Variants in HIVEP1 observed in about 807,000 individuals in gnomAD.
HIVEP1 encodes HIVEP zinc finger 1, also known as zinc finger protein 40.
HIVEP1 carries 36 observed loss-of-function variants against 180.0 expected under a neutral mutation model. The ratio of observed to expected loss-of-function variants is 0.20; its 90% CI spans 0.15 to 0.26. The LOEUF (loss-of-function observed/expected upper bound fraction) is 0.26. HIVEP1 is among the 10% of genes least tolerant of loss of function. The pLI is 1.00. For missense variants in HIVEP1, 3,143 were observed against 3,268.7 expected (o/e 0.96, Z 0.94); for synonymous variants, 1,239 against 1,239.0 (o/e 1.00, Z 0.00).
upstream of HIVEP1, among the ~76,000 whole-genome samples, chr6:12,011,014 A>G (rs1767248675): frequency 6.6e-6 from 1 of 152,032 alleles, no homozygotes; most frequent in Admixed American, 6.6e-5. Context: ...TTGCGCTCGC[A>G]GCTTCGGCAC....
At chr6:12,192,791 A>G in the HIVEP1 span, among the ~76,000 whole-genome samples, 1 of 152,068 alleles carries the variant, frequency 6.6e-6, no homozygotes, top group Non-Finnish European at 1.5e-5. Context: ...GTAGTTCTTT[A>G]TAGCAATGTG....
intron 2 of HIVEP1, among the ~76,000 whole-genome samples, chr6:12,061,430 CTG>C (rs1355085549): frequency 6.6e-6 from 1 of 152,184 alleles, no homozygotes; most frequent in African/African-American, 2.4e-5. Context: ...CCAGAAATGA[CTG>C]TGTTACTAAC....
intron 3 of HIVEP1, among the ~76,000 whole-genome samples, chr6:12,097,709 T>A (rs1455823750): frequency 1.3e-5 from 2 of 152,124 alleles, no homozygotes; most frequent in Admixed American, 6.5e-5. Flanking sequence ...TTGAGAAATT[T>A]GAAAATCCCA....
Position 12,163,797 on chromosome 6 carries a change from T to C in HIVEP1, c.7493T>C (p.Ile2498Thr). 4 of 1,614,178 alleles carry C rather than the reference T, an allele frequency of 2.5e-6. No individual in the cohort carries two copies. In the South Asian group the frequency reaches 3.3e-5, roughly 13 times the overall value. Residue 2498 changes from isoleucine (I) to threonine (T), a missense_variant, in exon 9 of 9, where the codon ATT (isoleucine) becomes ACT (threonine). By Grantham distance (89) the Ile-to-Thr change is moderately conservative (BLOSUM62 -1). Coordinates refer to ENST00000379388, the MANE Select transcript of HIVEP1 (RefSeq NM_002114.4). ...TCGTTAAGCATGGAAACCGTCAATATTGTAGGCCTAGCCAATACAAATATG... is the reference window on the plus strand; with the variant it reads ...TCGTTAAGCATGGAAACCGTCAATACTGTAGGCCTAGCCAATACAAATATG... ...LPSLSMETVN[I>T]VGLANTNMAP... is the part of the protein sequence containing the mutation.
the HIVEP1 span, among the ~76,000 whole-genome samples, chr6:12,173,369 C>G: frequency 2.6e-5 from 4 of 152,124 alleles, no homozygotes; most frequent in Middle Eastern, 3.4e-3. Context: ...CATATTTCTC[C>G]TAGGAAGGGG....
chr6:12,165,857 G>C (rs1035752029), downstream of HIVEP1, among the ~76,000 whole-genome samples: 1 of 152,186 alleles, frequency 6.6e-6, no homozygotes, highest in Non-Finnish European at 1.5e-5. Context: ...AGCCAACCCA[G>C]CTTCACGTCT....
At chr6:12,030,437 T>A (rs553687898) in intron 2 of HIVEP1, among the ~76,000 whole-genome samples, 1 of 152,274 alleles carries the variant, frequency 6.6e-6, no homozygotes, top group East Asian at 1.9e-4. Flanking sequence ...GTTCCACAGG[T>A]CTCTGAGGGT....
intron 3 of HIVEP1, among the ~76,000 whole-genome samples, chr6:12,105,204 A>G (rs1485372144): frequency 2.0e-5 from 3 of 152,184 alleles, no homozygotes; most frequent in Non-Finnish European, 4.4e-5. Context: ...GTTTATGTGA[A>G]GCTTGATCTT....
chr6:12,123,812 A>T lies in HIVEP1; in HGVS notation c.4017A>T (p.Leu1339=). The T allele has an allele frequency of 6.2e-7, 1 of 1,614,188 alleles. No individual in the cohort carries two copies. The highest frequency in any genetic ancestry group is 8.5e-7 in the Non-Finnish European group (1 of 1,180,024). ...KTEASPKIDF[L]NKAEFLMIPA... Reference sequence around the variant, plus strand: ...AGGCTTCCCCCAAAATCGATTTTCTAAATAAAGCCGAGTTTCTTATGATTC... The same window carrying T: ...AGGCTTCCCCCAAAATCGATTTTCTTAATAAAGCCGAGTTTCTTATGATTC... Residue 1339 remains leucine (L), a synonymous_variant, in exon 4 of 9, where the codon CTA becomes CTT. Coordinates refer to ENST00000379388, the MANE Select transcript of HIVEP1 (RefSeq NM_002114.4).
chr6:12,047,212 G>T (rs1412247148), intron 2 of HIVEP1, among the ~76,000 whole-genome samples: 1 of 152,174 alleles, frequency 6.6e-6, no homozygotes, highest in Admixed American at 6.5e-5. Flanking sequence ...GCAGTAATTT[G>T]TACATTAAAT....
Position 12,156,872 on chromosome 6 carries a change from G to A in HIVEP1, c.6488-4567G>A, listed in dbSNP as rs370039799. Among the ~76,000 whole-genome samples, 8 of 152,166 alleles carry A rather than the reference G, an allele frequency of 5.3e-5. No individual in the cohort carries two copies. In the East Asian group the frequency reaches 7.7e-4, roughly 15 times the overall value. On this transcript the variant is annotated intron_variant, in intron 7 of 8. Coordinates refer to ENST00000379388, the MANE Select transcript of HIVEP1 (RefSeq NM_002114.4). ...CTATTAGGTCTTGATAGTGTTTTGCGGGTCTTTTATGTTCTTCCTGATTTT... is the reference window on the plus strand; with the variant it reads ...CTATTAGGTCTTGATAGTGTTTTGCAGGTCTTTTATGTTCTTCCTGATTTT...
At chr6:12,033,916 A>T (rs865960309) in intron 2 of HIVEP1, among the ~76,000 whole-genome samples, 4 of 152,216 alleles carry the variant, frequency 2.6e-5, no homozygotes, top group Admixed American at 6.5e-5. Flanking sequence ...TGCAGAATTT[A>T]GACATACAGG....
the HIVEP1 span, among the ~76,000 whole-genome samples, chr6:12,205,150 T>C: frequency 1.3e-5 from 2 of 152,250 alleles, no homozygotes; most frequent in East Asian, 3.9e-4. Context: ...GCTCTCCCTC[T>C]GAGTCAAATG....
chr6:12,022,471 A>G (rs1238889550), intron 2 of HIVEP1, among the ~76,000 whole-genome samples: 3 of 152,190 alleles, frequency 2.0e-5, no homozygotes, highest in Non-Finnish European at 4.4e-5. Context: ...TGCCTGGCCC[A>G]TATACAGGAT....
chr6:12,139,734 C>T (rs1202278242), intron 7 of HIVEP1, among the ~76,000 whole-genome samples: 2 of 152,218 alleles, frequency 1.3e-5, no homozygotes, highest in African/African-American at 4.8e-5. Context: ...TTGCTCACTG[C>T]TAGCACAGCA....
At chr6:12,071,857 A>T (rs922056591) in intron 2 of HIVEP1, among the ~76,000 whole-genome samples, 2 of 152,138 alleles carry the variant, frequency 1.3e-5, no homozygotes, top group Non-Finnish European at 2.9e-5. Context: ...ATTTTTTGTA[A>T]TCTGTTTTAT....
chr6:12,059,191 C>T (rs1164912063), intron 2 of HIVEP1, among the ~76,000 whole-genome samples: 1 of 152,164 alleles, frequency 6.6e-6, no homozygotes, highest in Non-Finnish European at 1.5e-5. Context: ...TTTGATACCA[C>T]TGTACCTAGC....
chr6:12,173,724 A>C, the HIVEP1 span, among the ~76,000 whole-genome samples: 1 of 152,202 alleles, frequency 6.6e-6, no homozygotes, highest in African/African-American at 2.4e-5. Context: ...TGCTTGAGAC[A>C]AGACATCTTT....
rs759629456 is a variant in HIVEP1 at position 12,124,192 on chromosome 6, G to A, written c.4397G>A (p.Gly1466Glu). 2.2e-5 allele frequency: 36 copies of A among 1,613,754 alleles called. No homozygotes were observed. Among genetic ancestry groups the A allele is most frequent in the Non-Finnish European group, 2.9e-5 (34 of 1,179,920 alleles). Residue 1466 changes from glycine (G) to glutamate (E), a missense_variant, in exon 4 of 9, where the codon GGG (glycine) becomes GAG (glutamate). Gly to Glu is a moderately conservative substitution (Grantham distance 98). Around this residue, in one of 12 missense-constraint regions of HIVEP1, gnomAD observed 1,357 missense variants for 1,260.5 expected, o/e 1.08. Transcript: ENST00000379388. ...AGTGTGAATGCAGTGCCATATCAGG[G>A]GCCTCAGCTCACTAGTACATCTTTA... ...LPSVNAVPYQ[G>E]PQLTSTSLAE...
Sources: gnomAD v4.1 joint callset for allele counts (sites outside exome capture counted in the v4.1 genomes callset) on GRCh38, gnomAD v4.1.1 for gene constraint, gnomAD v4.1.1 regional missense constraint, MANE v1.5 for transcripts, NCBI Gene and HGNC (gene_info 2026-07-23, HGNC 2026-07-21) for gene names.